Variants in ADD3 observed in about 807,000 individuals in gnomAD.
ADD3 encodes the protein gamma-adducin.
In ADD3, 25 loss-of-function variants were observed where a neutral mutation model predicts 80.2. That is an observed-to-expected ratio of 0.31 (90% CI 0.23 to 0.44). ADD3 has a LOEUF of 0.44. Among genes scored for constraint, ADD3 ranks in the 20% least tolerant of loss-of-function variants. The probability of loss-of-function intolerance (pLI) is 1.00; values close to 1 mark genes in which losing one functional copy is unlikely to be tolerated. For synonymous variants in ADD3, 284 were observed against 289.6 expected, an observed-to-expected ratio of 0.98 and a Z score of 0.20; for missense variants, 829 against 847.5, an observed-to-expected ratio of 0.98 and a Z score of 0.27.
Position 110,100,642 on chromosome 10 carries a change from C to T in ADD3, c.-12C>T, listed in dbSNP as rs1466783018. ...TAATGCAGATAACAAGAGTAATCCACAGACTTAAAACATGAGCTCAGATGC... is the reference window on the plus strand; with the variant it reads ...TAATGCAGATAACAAGAGTAATCCATAGACTTAAAACATGAGCTCAGATGC... On this transcript the variant is annotated 5_prime_UTR_variant, in exon 2 of 15. Coordinates refer to ENST00000356080, the MANE Select transcript of ADD3 (RefSeq NM_016824.5). The T allele has an allele frequency of 1.9e-6, 3 of 1,580,762 alleles. No individual in the cohort carries two copies. The highest frequency in any genetic ancestry group is 2.6e-6 in the Non-Finnish European group (3 of 1,166,670).
intron 1 of ADD3, among the ~76,000 whole-genome samples, chr10:110,064,646 G>A (rs556269276): frequency 1.3e-5 from 2 of 152,066 alleles, no homozygotes; most frequent in South Asian, 4.1e-4. Flanking sequence ...TCTTTTTTCA[G>A]ATACCCTTAA....
intron 1 of ADD3, among the ~76,000 whole-genome samples, chr10:110,065,031 G>A (rs183128834): frequency 2.0e-5 from 3 of 152,044 alleles, no homozygotes; most frequent in African/African-American, 7.2e-5. Flanking sequence ...GCGACAGAGC[G>A]AGACCCTGTT....
Position 110,108,226 on chromosome 10 carries a change from G to GTA in ADD3, c.196-4537_196-4536dup, listed in dbSNP as rs149936690. Among the ~76,000 whole-genome samples, 65 of 151,110 alleles carry GTA rather than the reference G, an allele frequency of 4.3e-4. 1 individual carries two copies. The highest frequency in any genetic ancestry group is 1.0e-3 in the African/African-American group (42 of 41,314). On this transcript the variant is annotated intron_variant, in intron 2 of 14. Coordinates refer to ENST00000356080, the MANE Select transcript of ADD3 (RefSeq NM_016824.5). ...ATTCCAGGATCACCATAATCTGCCAGTATATATATATATATTTTTGCTTTA... is the reference window on the plus strand; with the variant it reads ...ATTCCAGGATCACCATAATCTGCCAGTATATATATATATATATTTTTGCTTTA...
chr10:110,078,761 G>A (rs189557670), intron 1 of ADD3, among the ~76,000 whole-genome samples: 27 of 152,076 alleles, frequency 1.8e-4, no homozygotes, highest in Admixed American at 3.3e-4. Flanking sequence ...GCTATTTTCT[G>A]TTATGTTTCA....
At chr10:110,097,247 G>T (rs929487772) in intron 1 of ADD3, among the ~76,000 whole-genome samples, 1 of 152,042 alleles carries the variant, frequency 6.6e-6, no homozygotes, top group African/African-American at 2.4e-5. Flanking sequence ...TTGTTTGGGG[G>T]TTTTCTTTTT....
At chr10:110,116,982 T>C (rs1048187391) in intron 4 of ADD3, among the ~76,000 whole-genome samples, 2 of 152,218 alleles carry the variant, frequency 1.3e-5, no homozygotes, top group African/African-American at 4.8e-5. Context: ...TTGTTCTCTT[T>C]CCTTTGCCCA....
chr10:110,103,294 T>C (rs1680490143), intron 2 of ADD3, among the ~76,000 whole-genome samples: 2 of 152,232 alleles, frequency 1.3e-5, no homozygotes, highest in South Asian at 4.1e-4. Flanking sequence ...ATTCATTATC[T>C]CACCATTTCT....
At chr10:110,120,231 C>T (rs1002777092) in intron 8 of ADD3, among the ~76,000 whole-genome samples, 1 of 112,108 alleles carries the variant, frequency 8.9e-6, no homozygotes, top group East Asian at 3.2e-4. Flanking sequence ...CCCCTCCCCC[C>T]ACCCCACCAC....
chr10:110,089,548 T>C (rs1252471456), intron 1 of ADD3, among the ~76,000 whole-genome samples: 3 of 152,152 alleles, frequency 2.0e-5, no homozygotes, highest in African/African-American at 4.8e-5. Context: ...ACTAAGGGAA[T>C]ATATATAGAA....
At position 110,119,512 on chromosome 10, in the gene ADD3, T is replaced by C. The variant is rs1255405251; in HGVS notation, c.908T>C (p.Leu303Ser). The C allele has an allele frequency of 6.2e-7, 1 of 1,614,134 alleles. No homozygotes were observed. The highest frequency in any genetic ancestry group is 1.1e-5 in the South Asian group (1 of 91,082). Residue 303 changes from leucine (L) to serine (S), a missense_variant, in exon 8 of 15, where the codon TTA becomes TCA. Transcript: ENST00000356080. ...NHGVVALGET[L>S]EEAFHYIFNV... Reference sequence around the variant, plus strand: ...GGTGTGGTTGCACTTGGAGAAACATTAGAGGAGGCTTTTCATTATATTTTT... The same window carrying C: ...GGTGTGGTTGCACTTGGAGAAACATCAGAGGAGGCTTTTCATTATATTTTT...
chr10:109,997,125 G>A (rs1851396167), intron 1 of ADD3, among the ~76,000 whole-genome samples: 1 of 152,226 alleles, frequency 6.6e-6, no homozygotes, highest in African/African-American at 2.4e-5. Flanking sequence ...ATAGGGTCTT[G>A]TAAAGACAGG....
At chr10:110,095,483 C>T (rs2133903907) in intron 1 of ADD3, among the ~76,000 whole-genome samples, 1 of 152,328 alleles carries the variant, frequency 6.6e-6, no homozygotes, top group African/African-American at 2.4e-5. Flanking sequence ...TCCTTGGTGA[C>T]TAGCTTCTTT....
At chr10:110,062,205 A>T (rs1858995318) in intron 1 of ADD3, among the ~76,000 whole-genome samples, 3 of 4,906 alleles carry the variant, frequency 6.1e-4, no homozygotes, top group South Asian at 9.3e-3. Flanking sequence ...TCTACTAAAA[A>T]AAAAAAAAAA....
In ADD3 at chr10:110,122,271, T is replaced by A. The variant is rs1393002048; in HGVS notation, c.1122T>A (p.Leu374=). The change falls in exon 9 of 15, where the codon CTT becomes CTA. Residue 374 remains leucine (L), a synonymous_variant. Transcript: ENST00000356080. The stretch of plus-strand genomic sequence containing the variant: ...TTGGCGAAATTGAGTTTGAAGGGCT[T>A]ATGAGGACTCTGGACAACTTGGTAG... The part of the protein sequence containing the change: ...WKVGEIEFEG[L]MRTLDNLGYR... 2.5e-6 allele frequency: 4 copies of A among 1,613,896 alleles called. No individual in the cohort carries two copies. The highest frequency in any genetic ancestry group is 2.2e-5 in the South Asian group (2 of 91,060).
At chr10:110,005,627 A>T (rs909847137), upstream of ADD3, among the ~76,000 whole-genome samples, 3 of 152,214 alleles carry the variant, frequency 2.0e-5, no homozygotes, top group Admixed American at 6.5e-5. Flanking sequence ...ACAAATTACT[A>T]ATCAGTTTCA....
chr10:110,051,651 G>A (rs1232720937), intron 1 of ADD3, among the ~76,000 whole-genome samples: 1 of 152,218 alleles, frequency 6.6e-6, no homozygotes, highest in Non-Finnish European at 1.5e-5. Flanking sequence ...AAAGCAAGAT[G>A]TAGAGAAGTG....
At chr10:110,131,435 A>T (rs1852968731) in intron 13 of ADD3, among the ~76,000 whole-genome samples, 1 of 152,232 alleles carries the variant, frequency 6.6e-6, no homozygotes, top group Non-Finnish European at 1.5e-5. Flanking sequence ...GGTCAGGAAC[A>T]AGCCTGTCAC....
At chr10:110,106,786 T>A (rs1374467202) in intron 2 of ADD3, among the ~76,000 whole-genome samples, 1 of 152,106 alleles carries the variant, frequency 6.6e-6, no homozygotes, top group Non-Finnish European at 1.5e-5. Context: ...TGGGGGCAAA[T>A]TAAGTTTTCA....
At chr10:110,003,290 G>T (rs1173655739), upstream of ADD3, among the ~76,000 whole-genome samples, 1 of 106,972 alleles carries the variant, frequency 9.3e-6, no homozygotes, top group Non-Finnish European at 1.8e-5. Flanking sequence ...TTGTTAAATT[G>T]GGAACAGTAA....
Sources: gnomAD v4.1 joint callset for allele counts (sites outside exome capture counted in the v4.1 genomes callset) on GRCh38, gnomAD v4.1.1 for gene constraint, MANE v1.5 for transcripts, NCBI Gene and HGNC (gene_info 2026-07-23, HGNC 2026-07-21) for gene names.